Variants in PTK2B observed in about 807,000 individuals in gnomAD.
The protein encoded by PTK2B is protein tyrosine kinase 2 beta, also known as protein-tyrosine kinase 2-beta.
PTK2B carries 71 observed loss-of-function variants against 142.9 expected under a neutral mutation model. The observed-to-expected ratio is 0.50, with a 90% CI of 0.41 to 0.61. The LOEUF is 0.61. Ranked by LOEUF, PTK2B falls within the 20% of genes least tolerant of loss-of-function variation. The pLI is 0.00. For missense variants in PTK2B, 1,105 were observed against 1,320.4 expected, an observed-to-expected ratio of 0.84 and a Z score of 2.53; for synonymous variants, 519 against 503.4, an observed-to-expected ratio of 1.03 and a Z score of -0.42.
rs575106104 is a variant in PTK2B, at chr8:27,408,880, A to G, written c.205-11015A>G. ...ATGTGAAACAACAGAAAGGTATTGT[A>G]TCACAGTTCTGGAGGCTAGAAATTA... On this transcript the variant is annotated intron_variant, in intron 2 of 30. Transcript: ENST00000346049. Among the ~76,000 whole-genome samples the G allele has an allele frequency of 5.3e-5, 8 of 152,340 alleles. No homozygotes were observed. The East Asian group carries it at 1.4e-3, about 26-fold the overall frequency.
chr8:27,388,916 A>G (rs17057071), intron 1 of PTK2B, among the ~76,000 whole-genome samples: 2,250 of 152,244 alleles, frequency 0.015, 50 homozygotes, highest in African/African-American at 0.053. Flanking sequence ...TTCTTAGCAG[A>G]TTGCCACCTT....
rs117308432 is a variant in PTK2B, at chr8:27,403,609, G to A, written c.204+5821G>A. 2.2e-4 allele frequency among the ~76,000 whole-genome samples: 33 copies of A among 152,206 alleles called. No homozygotes were observed. The East Asian group carries it at 5.6e-3, about 26-fold the overall frequency. On this transcript the variant is annotated intron_variant, in intron 2 of 30. Coordinates refer to ENST00000346049, the MANE Select transcript of PTK2B (RefSeq NM_173176.3). ...TTGTTTAGGAGCTCTGAATTTCTGG[G>A]GCAAGCAGAGGCTCATATCATTATA...
intron 1 of PTK2B, among the ~76,000 whole-genome samples, chr8:27,358,097 T>C (rs144268451): frequency 6.6e-6 from 1 of 152,304 alleles, no homozygotes; most frequent in African/African-American, 2.4e-5. Context: ...ATAGTAGACG[T>C]TCCCTTTTTC....
chr8:27,431,996 T>G, intron 9 of PTK2B: 1 of 381,128 alleles, frequency 2.6e-6, no homozygotes, highest in Non-Finnish European at 4.7e-6. Flanking sequence ...TTTGTGCGAT[T>G]TTTTTTTTTA....
At chr8:27,342,463 T>G (rs1804462745) in intron 1 of PTK2B, among the ~76,000 whole-genome samples, 1 of 152,222 alleles carries the variant, frequency 6.6e-6, no homozygotes, top group African/African-American at 2.4e-5. Context: ...AAAAATAGTT[T>G]TGGTGCCCAC....
chr8:27,332,459 G>A (rs964111318), intron 1 of PTK2B, among the ~76,000 whole-genome samples: 15 of 152,164 alleles, frequency 9.9e-5, no homozygotes, highest in African/African-American at 2.4e-4. Flanking sequence ...GTCTGACATC[G>A]CCAAGTGATA....
At chr8:27,383,720 C>G (rs1807169498) in intron 1 of PTK2B, among the ~76,000 whole-genome samples, 1 of 152,094 alleles carries the variant, frequency 6.6e-6, no homozygotes, top group Non-Finnish European at 1.5e-5. Flanking sequence ...AGGTCTCACT[C>G]TGTTGCCCAG....
At chr8:27,323,529 G>T (rs555532066), upstream of PTK2B, 3 of 152,140 alleles carry the variant, frequency 2.0e-5, no homozygotes, top group African/African-American at 7.2e-5. Flanking sequence ...CTCTAACTGG[G>T]GTAGATCATT....
intron 18 of PTK2B, among the ~76,000 whole-genome samples, chr8:27,438,435 A>G (rs1483110122): frequency 1.3e-4 from 1 of 7,816 alleles, no homozygotes; most frequent in African/African-American, 1.7e-3. Flanking sequence ...ATTACCCACC[A>G]TTGACATTGG....
At chr8:27,406,525 A>C (rs554755592) in intron 2 of PTK2B, among the ~76,000 whole-genome samples, 5 of 152,136 alleles carry the variant, frequency 3.3e-5, no homozygotes, top group South Asian at 4.1e-4. Flanking sequence ...GTGCAGAAGA[A>C]AATAGAGACT....
chr8:27,358,171 A>C (rs899357612), intron 1 of PTK2B, among the ~76,000 whole-genome samples: 3 of 152,192 alleles, frequency 2.0e-5, no homozygotes, highest in Non-Finnish European at 4.4e-5. Context: ...GAACCATCTA[A>C]ATTCCCCCAG....
chr8:27,335,557 A>G (rs1367815809), intron 1 of PTK2B, among the ~76,000 whole-genome samples: 1 of 149,340 alleles, frequency 6.7e-6, no homozygotes, highest in African/African-American at 2.5e-5. Flanking sequence ...ATGCCATTAC[A>G]CTCCAGCCTA....
At chr8:27,423,719 C>T (rs80305300) in intron 5 of PTK2B, among the ~76,000 whole-genome samples, 4,507 of 152,238 alleles carry the variant, frequency 0.03, 85 homozygotes, top group Middle Eastern at 0.048. Context: ...CATTGTGATT[C>T]TCAGTCAGAG....
chr8:27,390,397 G>A (rs1230932518), intron 1 of PTK2B, among the ~76,000 whole-genome samples: 1 of 152,294 alleles, frequency 6.6e-6, no homozygotes, highest in East Asian at 1.9e-4. Flanking sequence ...CACTTTGGGA[G>A]GTTGAGGAGG....
At chr8:27,409,912 G>A (rs950483683) in intron 2 of PTK2B, among the ~76,000 whole-genome samples, 5 of 152,080 alleles carry the variant, frequency 3.3e-5, no homozygotes, top group African/African-American at 1.2e-4. Flanking sequence ...AGTAGAGGCA[G>A]GGTTTCACCA....
At chr8:27,365,189 C>T (rs922219847) in intron 1 of PTK2B, among the ~76,000 whole-genome samples, 1 of 152,210 alleles carries the variant, frequency 6.6e-6, no homozygotes, top group Admixed American at 6.5e-5. Context: ...GTCCCCTTCG[C>T]TTGCGCTAAC....
At chr8:27,339,364 T>C (rs1804255740) in intron 1 of PTK2B, among the ~76,000 whole-genome samples, 1 of 152,192 alleles carries the variant, frequency 6.6e-6, no homozygotes, top group Non-Finnish European at 1.5e-5. Flanking sequence ...TTCTACCTTC[T>C]CTGGGGTGAG....
In PTK2B at chr8:27,454,223, C is replaced by T. The variant is rs1434031157; in HGVS notation, c.2665C>T (p.Arg889Trp). The T allele has an allele frequency of 6.2e-7, 1 of 1,614,078 alleles. No individual in the cohort carries two copies. Among genetic ancestry groups the T allele is most frequent in the Non-Finnish European group, 8.5e-7 (1 of 1,179,996 alleles). ...LVYLNVMELVRAVLELKNELC... is the reference protein window; with the variant it reads ...LVYLNVMELVWAVLELKNELC... ...GTACCTCAATGTCATGGAGCTGGTG[C>T]GGGCCGTGCTGGAGCTCAAGAATGA... The change falls in exon 29 of 31, where the codon CGG (arginine) becomes TGG (tryptophan). Residue 889 changes from arginine to tryptophan, a missense_variant. Physicochemically the swap from Arg to Trp is moderately radical, Grantham distance 101 (BLOSUM62 -3). Transcript: ENST00000346049.
chr8:27,343,480 A>G (rs1171084621), intron 1 of PTK2B, among the ~76,000 whole-genome samples: 2 of 152,200 alleles, frequency 1.3e-5, no homozygotes, highest in Non-Finnish European at 2.9e-5. Flanking sequence ...TGTAGTCCCC[A>G]AAGCTCTGGA....
Sources: allele counts gnomAD v4.1 joint callset (sites outside exome capture counted in the v4.1 genomes callset), GRCh38; gene constraint gnomAD v4.1.1; transcripts MANE v1.5; gene names NCBI Gene and HGNC (gene_info 2026-07-23, HGNC 2026-07-21).